KIRREL2: variants seen among roughly 807,000 people sequenced by gnomAD.
KIRREL2 encodes the protein kin of IRRE-like protein 2.
In KIRREL2, 56 loss-of-function variants were observed where a neutral mutation model predicts 73.4. The ratio of observed to expected loss-of-function variants is 0.76; its 90% CI spans 0.62 to 0.95. KIRREL2 has a LOEUF of 0.95. KIRREL2 is among the 40% of genes least tolerant of loss of function. The probability of loss-of-function intolerance (pLI) is 0.00; values close to 1 mark genes in which losing one functional copy is unlikely to be tolerated. For missense variants in KIRREL2, 896 were observed against 935.0 expected, an observed-to-expected ratio of 0.96 and a Z score of 0.54; for synonymous variants, 407 against 404.0, an observed-to-expected ratio of 1.01 and a Z score of -0.09.
rs775542301 is a variant in KIRREL2 at position 35,860,997 on chromosome 19, G to T, written c.1017G>T (p.Pro339=). 9.9e-6 allele frequency: 16 copies of T among 1,612,128 alleles called. No individual in the cohort carries two copies. Among genetic ancestry groups the T allele is most frequent in the African/African-American group, 1.3e-5 (1 of 74,912 alleles). ...TCAGCTGCGCCTGGCGCGGGAACCC[G>T]CTTCCACGGGTAACCTGGACCCGCC... ...ASFSCAWRGN[P]LPRVTWTRRG... Residue 339 remains proline, a synonymous_variant, in exon 8 of 15, where the codon CCG becomes CCT. Coordinates refer to ENST00000360202, the MANE Select transcript of KIRREL2 (RefSeq NM_199180.4).
Position 35,860,350 on chromosome 19 carries a change from A to G in KIRREL2, c.727A>G (p.Lys243Glu). The change falls in exon 6 of 15, where the codon AAG (lysine) becomes GAG (glutamate). Residue 243 changes from lysine (K) to glutamate (E), a missense_variant. Lys to Glu is a moderately conservative substitution (Grantham distance 56, BLOSUM62 1). Transcript: ENST00000360202. ...ASPHTVQEGE[K>E]VIFLCQATAQ... ...GCCACACACTGTGCAGGAGGGAGAGAAGGTCATTTTCCTGTGCCAGGCCAC... is the reference window on the plus strand; with the variant it reads ...GCCACACACTGTGCAGGAGGGAGAGGAGGTCATTTTCCTGTGCCAGGCCAC... The G allele has an allele frequency of 6.2e-7, 1 of 1,613,876 alleles. No homozygotes were observed. The highest frequency in any genetic ancestry group is 2.2e-5 in the East Asian group (1 of 44,886).
Position 35,857,091 on chromosome 19 carries a change from C to T in KIRREL2, c.-29C>T, listed in dbSNP as rs763505045. On this transcript the variant is annotated 5_prime_UTR_variant, in exon 1 of 15. In the 5' UTR this introduces an upstream ATG that the reference lacks. Transcript: ENST00000360202. The stretch of plus-strand genomic sequence containing the variant: ...GAAGTTGACGGGAAGGCCAGTGCGA[C>T]GGCAAATCTCGTGAACCTTGGGGGA... 6.2e-7 allele frequency: 1 copy of T among 1,613,100 alleles called. No homozygotes were observed. Among genetic ancestry groups the T allele is most frequent in the Non-Finnish European group, 8.5e-7 (1 of 1,179,336 alleles).
upstream of KIRREL2, among the ~76,000 whole-genome samples, chr19:35,852,739 C>G (rs1418710976): frequency 6.6e-6 from 1 of 152,130 alleles, no homozygotes; most frequent in African/African-American, 2.4e-5. Flanking sequence ...GCTGGGCCCC[C>G]AGCTCTTCCT....
Position 35,858,826 on chromosome 19 carries a change from C to T in KIRREL2, c.484C>T (p.Arg162Ter), listed in dbSNP as rs781353593. ...CCCTACCCCTGAATTGCTGTGGTTC[C>T]GAGATGGGGTCCTGTTGGATGGAGC... Reference protein sequence around the residue: ...ARPTPELLWFRDGVLLDGATF... With the variant: ...ARPTPELLWF The change falls in exon 4 of 15, where the codon CGA (arginine) becomes TGA (stop). Residue 162 changes from arginine to a stop codon, truncating the protein, a stop_gained. Transcript: ENST00000360202. LOFTEE classifies it high-confidence loss of function. 21 of 1,614,022 alleles carry T rather than the reference C, an allele frequency of 1.3e-5. No homozygotes were observed. Among genetic ancestry groups the T allele is most frequent in the Middle Eastern group, 1.6e-4 (1 of 6,082 alleles).
chr19:35,851,481 G>A (rs1168071834), upstream of KIRREL2: 6 of 1,613,496 alleles, frequency 3.7e-6, no homozygotes, highest in East Asian at 2.2e-5. Context: ...CCTTCCAGGC[G>A]GTACCTCGGG....
rs573141957 is a variant in KIRREL2 at position 35,857,075 on chromosome 19, G to C, written c.-45G>C. 6.2e-7 allele frequency: 1 copy of C among 1,606,950 alleles called. No individual in the cohort carries two copies. Among genetic ancestry groups the C allele is most frequent in the African/African-American group, 1.3e-5 (1 of 74,912 alleles). On this transcript the variant is annotated 5_prime_UTR_variant, in exon 1 of 15. Transcript: ENST00000360202. ...GCGTGCTTGAGAGGAAGAAGTTGAC[G>C]GGAAGGCCAGTGCGACGGCAAATCT...
rs756197728 is a variant in KIRREL2 at position 35,857,481 on chromosome 19, A to G, written c.198A>G (p.Gln66=). 6.3e-7 allele frequency: 1 copy of G among 1,596,710 alleles called. No individual in the cohort carries two copies. Among genetic ancestry groups the G allele is most frequent in the Admixed American group, 1.8e-5 (1 of 57,010 alleles). The change falls in exon 2 of 15, where the codon CAA becomes CAG. Residue 66 remains glutamine, a synonymous_variant. Coordinates refer to ENST00000360202, the MANE Select transcript of KIRREL2 (RefSeq NM_199180.4). ...WTKSGLALGG[Q]RDLPGWSRYW... ...AGAGTGGGCTGGCCCTAGGGGGCCA[A>G]AGGGACCTACCAGGTAAGAGTGTTC...
chr19:35,865,903 C>G (rs549472277), intron 14 of KIRREL2, among the ~76,000 whole-genome samples: 2 of 152,176 alleles, frequency 1.3e-5, no homozygotes, highest in Non-Finnish European at 2.9e-5. Context: ...CCTTCCACAC[C>G]GACACCCCTC....
Position 35,859,586 on chromosome 19 carries a change from G to A in KIRREL2, c.628G>A (p.Ala210Thr). 2 of 1,614,114 alleles carry A rather than the reference G, an allele frequency of 1.2e-6. No individual in the cohort carries two copies. The highest frequency in any genetic ancestry group is 1.7e-6 in the Non-Finnish European group (2 of 1,180,028). Residue 210 changes from alanine to threonine, a missense_variant, in exon 5 of 15, where the codon GCC becomes ACC. Ala to Thr is a moderately conservative substitution (Grantham distance 58). Transcript: ENST00000360202. ...ATFVCRARSQ[A>T]LPTGRDTAIT... ...CTTTGTCTGCCGGGCCCGGAGCCAG[G>A]CCCTGCCCACAGGAAGAGACACAGC...
chr19:35,862,419 C>G (rs1347389181), intron 11 of KIRREL2, 74 bp from the exon 12 acceptor site: 1 of 1,151,818 alleles, frequency 8.7e-7, no homozygotes, highest in East Asian at 2.3e-5. Flanking sequence ...CCAGGAATCC[C>G]AAACTCAATC....
chr19:35,863,008 A>G lies in KIRREL2; in HGVS notation c.1697A>G (p.Glu566Gly), dbSNP rs1416309852. Residue 566 changes from glutamate (E) to glycine (G), a missense_variant, in exon 13 of 15, where the codon GAA becomes GGA. Transcript: ENST00000360202. ...GGCTCCAGTTCACGAGGTCCTGAAG[A>G]AGAGGAGACAGGCAGCCGCGAGGAC... ...SDGSSSRGPE[E>G]EETGSREDRG... 4 of 1,590,330 alleles carry G rather than the reference A, an allele frequency of 2.5e-6. No homozygotes were observed. The highest frequency in any genetic ancestry group is 3.6e-5 in the Admixed American group (2 of 55,868).
Position 35,858,766 on chromosome 19 carries a change from G to T in KIRREL2, c.424G>T (p.Ala142Ser). 1.9e-6 allele frequency: 3 copies of T among 1,614,204 alleles called. No individual in the cohort carries two copies. The highest frequency in any genetic ancestry group is 2.5e-6 in the Non-Finnish European group (3 of 1,180,040). The change falls in exon 4 of 15, where the codon GCG (alanine) becomes TCG (serine). Residue 142 changes from alanine (A) to serine (S), a missense_variant. Transcript: ENST00000360202. ...PSVSLVAGVP[A>S]NLTCRSRGDA... ...TGTGTCTCTGGTTGCTGGAGTTCCT[G>T]CGAACCTGACATGTCGGAGCCGTGG...
intron 5 of KIRREL2, 28 bp from the exon 6 acceptor site, chr19:35,860,269 C>G: frequency 6.3e-7 from 1 of 1,591,702 alleles, no homozygotes; most frequent in Non-Finnish European, 8.6e-7. Context: ...TGGTCCTTGC[C>G]CATCTGACCA....
Position 35,857,163 on chromosome 19 carries a change from G to C in KIRREL2, c.44G>C (p.Cys15Ser), listed in dbSNP as rs1973455267. 1 of 1,612,968 alleles carries C rather than the reference G, an allele frequency of 6.2e-7. No individual in the cohort carries two copies. The highest frequency in any genetic ancestry group is 1.3e-5 in the African/African-American group (1 of 74,654). Residue 15 changes from cysteine to serine, a missense_variant, in exon 1 of 15, where the codon TGC becomes TCC. By Grantham distance (112) the Cys-to-Ser change is moderately radical (BLOSUM62 -1). Transcript: ENST00000360202. ...CCCGCCCTCCTCGTCCTCCTCTTCT[G>C]CTTCAGAGGGAGAGCAGGTACCGCA... ...RVPALLVLLFCFRGRAGPSPH... is the reference protein window; with the variant it reads ...RVPALLVLLFSFRGRAGPSPH...
upstream of KIRREL2, chr19:35,851,608 CAG>C (rs386833873): frequency 4.4e-4 from 710 of 1,614,008 alleles, no homozygotes; most frequent in Non-Finnish European, 5.6e-5. Flanking sequence ...CCACCACCGT[CAG>C]GTTTTCAGGC....
At chr19:35,852,551 C>A (rs1007162026), upstream of KIRREL2, among the ~76,000 whole-genome samples, 1 of 151,902 alleles carries the variant, frequency 6.6e-6, no homozygotes, top group Non-Finnish European at 1.5e-5. Flanking sequence ...CAGCTCTGGC[C>A]TCTGCCCAGC....
rs760899099 is a variant in KIRREL2, at chr19:35,866,438, C to A, written c.2073C>A (p.Phe691Leu). 5.6e-6 allele frequency: 9 copies of A among 1,606,022 alleles called. No homozygotes were observed. The South Asian group carries it at 9.9e-5, about 18-fold the overall frequency. The change falls in exon 15 of 15, where the codon TTC becomes TTA. Residue 691 changes from phenylalanine (F) to leucine (L), a missense_variant. By Grantham distance (22) the Phe-to-Leu change is conservative. Transcript: ENST00000360202. ...PPDLAPGTPP[F>L]PYAAFPTPSH... ...ATCTGGCCCCCGGGACTCCCCCCTTCCCATATGCTGCCTTCCCCACACCTA... is the reference window on the plus strand; with the variant it reads ...ATCTGGCCCCCGGGACTCCCCCCTTACCATATGCTGCCTTCCCCACACCTA...
chr19:35,861,744 C>G, intron 10 of KIRREL2, 61 bp from the exon 11 acceptor site: 6 of 1,584,906 alleles, frequency 3.8e-6, no homozygotes, highest in Non-Finnish European at 4.3e-6. Flanking sequence ...CCCAGACATC[C>G]CTCCTGCTTC....
intron 13 of KIRREL2, among the ~76,000 whole-genome samples, chr19:35,864,230 G>A (rs1310287010): frequency 6.6e-6 from 1 of 151,614 alleles, no homozygotes; most frequent in East Asian, 1.9e-4. Flanking sequence ...TTGCTCTGTC[G>A]TCCAAGCTGG....
Sources: allele counts gnomAD v4.1 joint callset (sites outside exome capture counted in the v4.1 genomes callset), GRCh38; gene constraint gnomAD v4.1.1; transcripts MANE v1.5; gene names NCBI Gene and HGNC (gene_info 2026-07-23, HGNC 2026-07-21).